Variants in MARCHF1 observed in about 807,000 individuals in gnomAD.
MARCHF1 encodes membrane associated ring-CH-type finger 1, also known as E3 ubiquitin-protein ligase MARCHF1.
A neutral mutation model predicts 54.2 loss-of-function variants in MARCHF1; 40 were observed. The ratio of observed to expected loss-of-function variants is 0.74; its 90% CI spans 0.57 to 0.96. The LOEUF (loss-of-function observed/expected upper bound fraction) is 0.96, where lower values mean the gene tolerates loss of function less well. Ranked by LOEUF, MARCHF1 falls within the 40% of genes least tolerant of loss-of-function variation. MARCHF1 has a pLI of 0.00. For synonymous variants in MARCHF1, 236 were observed against 236.3 expected, an observed-to-expected ratio of 1.00 and a Z score of 0.01; for missense variants, 586 against 656.5, an observed-to-expected ratio of 0.89 and a Z score of 1.17.
intron 2 of MARCHF1, among the ~76,000 whole-genome samples, chr4:163,990,476 G>C (rs1207644746): frequency 6.6e-6 from 1 of 152,140 alleles, no homozygotes; most frequent in Non-Finnish European, 1.5e-5. Flanking sequence ...CAAATCTCTT[G>C]CTTAAAATAG....
At chr4:164,334,361 G>A (rs887182503) in intron 1 of MARCHF1, among the ~76,000 whole-genome samples, 1 of 152,026 alleles carries the variant, frequency 6.6e-6, no homozygotes, top group Non-Finnish European at 1.5e-5. Flanking sequence ...ATGTGGAAGC[G>A]AACACTCATT....
intron 1 of MARCHF1, among the ~76,000 whole-genome samples, chr4:164,376,495 C>T (rs1001247276): frequency 2.6e-5 from 4 of 152,198 alleles, no homozygotes; most frequent in South Asian, 2.1e-4. Context: ...AAGGTGATCC[C>T]GGAGAGTAGG....
chr4:163,968,275 G>T (rs940483450), intron 3 of MARCHF1, among the ~76,000 whole-genome samples: 7 of 152,020 alleles, frequency 4.6e-5, no homozygotes, highest in African/African-American at 7.2e-5. Context: ...TCTTGACTTG[G>T]TTTTTTGCAA....
At chr4:164,187,537 C>T (rs1328464501) in intron 1 of MARCHF1, among the ~76,000 whole-genome samples, 1 of 152,078 alleles carries the variant, frequency 6.6e-6, no homozygotes, top group African/African-American at 2.4e-5. Context: ...ACTTGAAGCT[C>T]ATGCTGTCTG....
intron 1 of MARCHF1, among the ~76,000 whole-genome samples, chr4:164,241,033 T>TA (rs1463004261): frequency 6.6e-6 from 1 of 152,112 alleles, no homozygotes; most frequent in African/African-American, 2.4e-5. Context: ...GTAAGACCAC[T>TA]ATCGTAAAAC....
chr4:163,791,012 T>C (rs1470798982), intron 4 of MARCHF1, among the ~76,000 whole-genome samples: 1 of 152,162 alleles, frequency 6.6e-6, no homozygotes. Context: ...AATGACTCAT[T>C]GACTCCTCTT....
chr4:164,289,416 A>T (rs1734231285), intron 1 of MARCHF1, among the ~76,000 whole-genome samples: 1 of 151,974 alleles, frequency 6.6e-6, no homozygotes, highest in Non-Finnish European at 1.5e-5. Flanking sequence ...ACTAAACCTG[A>T]AATACATTAA....
chr4:163,932,963 C>A, intron 3 of MARCHF1: 1 of 731,124 alleles, frequency 1.4e-6, no homozygotes, highest in Non-Finnish European at 2.5e-6. Flanking sequence ...AAGGAGCTTA[C>A]CAAAAGGCAT....
chr4:163,553,471 C>T (rs1442916396), intron 8 of MARCHF1, among the ~76,000 whole-genome samples: 1 of 152,108 alleles, frequency 6.6e-6, no homozygotes, highest in Non-Finnish European at 1.5e-5. Context: ...TCATATGTCT[C>T]ATATCAGGAA....
intron 4 of MARCHF1, among the ~76,000 whole-genome samples, chr4:163,843,725 G>A (rs1259999822): frequency 6.6e-6 from 1 of 151,692 alleles, no homozygotes; most frequent in Admixed American, 6.6e-5. Context: ...AGTGTGTGTT[G>A]TTCTTCTCCT....
rs80285260 is a variant in MARCHF1 at position 163,742,308 on chromosome 4, T to G, written c.112-41445A>C. Reference sequence around the variant, plus strand: ...GGCTAGTACTAAAAGGGATTAACTCTTCTTTCCCTTTCTCTCCCTCCCTTT... The same window carrying G: ...GGCTAGTACTAAAAGGGATTAACTCGTCTTTCCCTTTCTCTCCCTCCCTTT... On this transcript the variant is annotated intron_variant, in intron 4 of 9. Transcript: ENST00000514618. 7.4e-3 allele frequency among the ~76,000 whole-genome samples: 1,130 copies of G among 151,808 alleles called. 8 individuals are homozygous for G. Among genetic ancestry groups the G allele is most frequent in the South Asian group, 0.021 (103 of 4,804 alleles).
At chr4:164,188,877 A>G in intron 1 of MARCHF1, 1 of 778,502 alleles carries the variant, frequency 1.3e-6, no homozygotes, top group Non-Finnish European at 2.4e-6. Flanking sequence ...AAGTTTACCC[A>G]TGCAGTTTTT....
chr4:164,007,646 C>CTCTG lies in MARCHF1; in HGVS notation c.-247-18938_-247-18937insCAGA, dbSNP rs1484621420. 6.8e-4 allele frequency among the ~76,000 whole-genome samples: 95 copies of CTCTG among 140,012 alleles called. No homozygotes were observed. In the East Asian group the frequency reaches 0.015, roughly 22 times the overall value. 91.9% of individuals were successfully genotyped at this position (140,012 alleles called of 152,430 possible). ...AGAATTTATTTCTCTCTCTCTCTCTCTGTGTGTGTGTGTGTGTGTGTGTGT... is the reference window on the plus strand; with the variant it reads ...AGAATTTATTTCTCTCTCTCTCTCTCTCTGTGTGTGTGTGTGTGTGTGTGTGTGT... On this transcript the variant is annotated intron_variant, in intron 2 of 9. Coordinates refer to ENST00000514618, the MANE Select transcript of MARCHF1 (RefSeq NM_001394959.1).
chr4:164,131,048 T>C (rs1450758264), intron 1 of MARCHF1, among the ~76,000 whole-genome samples: 1 of 152,150 alleles, frequency 6.6e-6, no homozygotes, highest in Non-Finnish European at 1.5e-5. Flanking sequence ...CATGTGAAAA[T>C]CAAGTATTTT....
At chr4:164,351,765 G>A (rs1324183047) in intron 1 of MARCHF1, among the ~76,000 whole-genome samples, 1 of 152,140 alleles carries the variant, frequency 6.6e-6, no homozygotes, top group Non-Finnish European at 1.5e-5. Context: ...GATGGAGAAT[G>A]ACTTTGATGA....
At chr4:164,069,318 C>T (rs1291367381) in intron 2 of MARCHF1, among the ~76,000 whole-genome samples, 3 of 152,220 alleles carry the variant, frequency 2.0e-5, no homozygotes, top group Non-Finnish European at 4.4e-5. Context: ...TAAAAGCAGG[C>T]TGCCTGAGCC....
chr4:163,763,889 G>A (rs1470406068), intron 4 of MARCHF1, among the ~76,000 whole-genome samples: 1 of 152,004 alleles, frequency 6.6e-6, no homozygotes, highest in Non-Finnish European at 1.5e-5. Context: ...CTTTGTAAAT[G>A]TGTGTTTTTT....
intron 1 of MARCHF1, among the ~76,000 whole-genome samples, chr4:164,341,130 T>C (rs1390037033): frequency 6.6e-6 from 1 of 152,150 alleles, no homozygotes; most frequent in Non-Finnish European, 1.5e-5. Context: ...AAAAATCATT[T>C]GATCATCTCA....
intron 5 of MARCHF1, among the ~76,000 whole-genome samples, chr4:163,616,970 T>C (rs1231092137): frequency 6.6e-6 from 1 of 152,096 alleles, no homozygotes; most frequent in Non-Finnish European, 1.5e-5. Flanking sequence ...CCATGATTAT[T>C]GTAGCATTAT....
Sources: gnomAD v4.1 joint callset for allele counts (sites outside exome capture counted in the v4.1 genomes callset) on GRCh38, gnomAD v4.1.1 for gene constraint, MANE v1.5 for transcripts, NCBI Gene and HGNC (gene_info 2026-07-23, HGNC 2026-07-21) for gene names.